The following CAMSAP2 variants were observed in gnomAD, a reference collection of about 807,000 sequenced individuals.
The protein encoded by CAMSAP2 is calmodulin-regulated spectrin-associated protein 2.
In CAMSAP2, 26 loss-of-function variants were observed where a neutral mutation model predicts 146.1. The ratio of observed to expected loss-of-function variants is 0.18; its 90% CI spans 0.13 to 0.25. The LOEUF is 0.25. CAMSAP2 is among the 10% of genes least tolerant of loss of function. The probability of loss-of-function intolerance (pLI) is 1.00; values close to 1 mark genes in which losing one functional copy is unlikely to be tolerated. For synonymous variants in CAMSAP2, 499 were observed against 596.6 expected, an observed-to-expected ratio of 0.84 and a Z score of 2.38; for missense variants, 1,381 against 1,759.3, an observed-to-expected ratio of 0.78 and a Z score of 3.85.
rs1355002174 is a variant in CAMSAP2, at chr1:200,848,325, T to C, written c.1556T>C (p.Leu519Pro). ...TCTAATGAGAATATTCATTACAAGC[T>C]TCCAAATGGAGCTTTACAAAATAGA... ...LNSNENIHYK[L>P]PNGALQNRIL... Residue 519 changes from leucine (L) to proline (P), a missense_variant, in exon 11 of 17, where the codon CTT (leucine) becomes CCT (proline). This residue lies in a region of CAMSAP2 where 447 missense variants were observed against 462.2 expected (regional missense o/e 0.97). Transcript: ENST00000358823. 3.1e-6 allele frequency: 5 copies of C among 1,613,842 alleles called. No homozygotes were observed. Among genetic ancestry groups the C allele is most frequent in the Non-Finnish European group, 4.2e-6 (5 of 1,179,888 alleles).
At position 200,822,270 on chromosome 1, in the gene CAMSAP2, T is replaced by G. The variant is rs138748296; in HGVS notation, c.645+6626T>G. The stretch of plus-strand genomic sequence containing the variant: ...ATATATTTCCTAAGAACAAGGCAAT[T>G]CATTTCCATAACGACAGTACAGGTA... On this transcript the variant is annotated intron_variant, in intron 4 of 16. Transcript: ENST00000358823. Among the ~76,000 whole-genome samples the G allele has an allele frequency of 5.1e-3, 774 of 152,224 alleles. 10 individuals are homozygous for G. The highest frequency in any genetic ancestry group is 0.018 in the African/African-American group (744 of 41,530).
chr1:200,817,099 T>TACACAC (rs1393311758), intron 4 of CAMSAP2, among the ~76,000 whole-genome samples: 21 of 145,352 alleles, frequency 1.4e-4, no homozygotes, highest in African/African-American at 5.0e-4. Context: ...CGTATATATG[T>TACACAC]ATACACACAC....
chr1:200,826,067 A>G (rs976444319), intron 4 of CAMSAP2, among the ~76,000 whole-genome samples: 1 of 152,170 alleles, frequency 6.6e-6, no homozygotes, highest in Non-Finnish European at 1.5e-5. Flanking sequence ...AATCCCCTCC[A>G]AAAGAGCTTG....
chr1:200,832,388 C>G lies in CAMSAP2; in HGVS notation c.787+47C>G. 6.5e-7 allele frequency: 1 copy of G among 1,543,438 alleles called. No homozygotes were observed. Among genetic ancestry groups the G allele is most frequent in the Non-Finnish European group, 8.7e-7 (1 of 1,143,216 alleles). ...TTCTGAACTGTAGACAGATAGTAAC[C>G]AATATTTAAGACAGTATTATTTTGC... On this transcript the variant is annotated intron_variant, in intron 5 of 16. Transcript: ENST00000358823. The surrounding 1 kb of genome is among the most constrained non-coding windows in gnomAD (Gnocchi z 4.2).
At chr1:200,784,106 T>A (rs994161177) in intron 2 of CAMSAP2, among the ~76,000 whole-genome samples, 34 of 152,176 alleles carry the variant, frequency 2.2e-4, no homozygotes, top group Non-Finnish European at 2.1e-4. Flanking sequence ...CCTCATTGAC[T>A]GACGTCGACA....
chr1:200,843,454 A>G (rs1350361704), intron 7 of CAMSAP2, among the ~76,000 whole-genome samples: 1 of 152,256 alleles, frequency 6.6e-6, no homozygotes, highest in African/African-American at 2.4e-5. Context: ...TTACATGCCT[A>G]TAAAAAAATT....
chr1:200,754,574 CTTT>C (rs35219206), intron 1 of CAMSAP2, among the ~76,000 whole-genome samples: 1 of 86,578 alleles, frequency 1.2e-5, no homozygotes. Flanking sequence ...GAAAGAGCTC[CTTT>C]TTTTTTTTTT....
chr1:200,816,364 G>A (rs560214382), intron 4 of CAMSAP2, among the ~76,000 whole-genome samples: 92 of 151,136 alleles, frequency 6.1e-4, no homozygotes, highest in Non-Finnish European at 7.7e-4. Context: ...AGGCTGAGAC[G>A]GGCGGATCAC....
intron 11 of CAMSAP2, 24 bp from the exon 12 acceptor site, chr1:200,852,517 G>A (rs373636742): frequency 2.5e-5 from 40 of 1,597,832 alleles, no homozygotes; most frequent in African/African-American, 2.0e-4. Context: ...ATGTTTGATC[G>A]TTTTCAATGA....
chr1:200,756,379 G>A (rs1299411936), intron 1 of CAMSAP2, among the ~76,000 whole-genome samples: 1 of 152,098 alleles, frequency 6.6e-6, no homozygotes, highest in East Asian at 1.9e-4. Flanking sequence ...CCCGAACCCA[G>A]GAGGTGGAGG....
chr1:200,747,977 A>G (rs1040156302), intron 1 of CAMSAP2, among the ~76,000 whole-genome samples: 1 of 133,130 alleles, frequency 7.5e-6, no homozygotes, highest in African/African-American at 3.0e-5. Flanking sequence ...ACAGAGCGAG[A>G]CTCCGTCTCA....
chr1:200,788,251 T>C (rs1418306960), intron 2 of CAMSAP2, among the ~76,000 whole-genome samples: 2 of 152,246 alleles, frequency 1.3e-5, no homozygotes, highest in South Asian at 2.1e-4. Context: ...GTTGTCTGAA[T>C]GTGCTACAGT....
chr1:200,852,728 G>A, intron 12 of CAMSAP2, 51 bp downstream of exon 12: 7 of 1,548,218 alleles, frequency 4.5e-6, no homozygotes, highest in Non-Finnish European at 6.1e-6. Context: ...ATGATGCATG[G>A]GCATATTTAG....
intron 2 of CAMSAP2, among the ~76,000 whole-genome samples, chr1:200,798,969 T>C (rs1159988771): frequency 7.2e-5 from 11 of 152,134 alleles, no homozygotes; most frequent in African/African-American, 2.7e-4. Context: ...CTGGATTACA[T>C]TTATTGATTT....
At chr1:200,810,596 A>G (rs939799398) in intron 3 of CAMSAP2, among the ~76,000 whole-genome samples, 4 of 151,414 alleles carry the variant, frequency 2.6e-5, no homozygotes, top group Admixed American at 1.3e-4. Flanking sequence ...AAAAAAGAAT[A>G]CAGACTTGGA....
intron 2 of CAMSAP2, among the ~76,000 whole-genome samples, chr1:200,793,468 A>G (rs1665808000): frequency 6.6e-6 from 1 of 152,182 alleles, no homozygotes; most frequent in African/African-American, 2.4e-5. Context: ...ACAAAATAGT[A>G]ACAACTAAAA....
chr1:200,823,025 T>C (rs192966811), intron 4 of CAMSAP2, among the ~76,000 whole-genome samples: 1 of 152,338 alleles, frequency 6.6e-6, no homozygotes, highest in Admixed American at 6.5e-5. Flanking sequence ...ACTCTACCAC[T>C]GTAAATAGCC....
intron 1 of CAMSAP2, among the ~76,000 whole-genome samples, chr1:200,741,983 C>A (rs1275355324): frequency 6.6e-6 from 1 of 152,154 alleles, no homozygotes. Context: ...AGGTCTGACT[C>A]AAAAGGGTAA....
intron 1 of CAMSAP2, among the ~76,000 whole-genome samples, chr1:200,759,403 C>T (rs1664739085): frequency 6.6e-6 from 1 of 151,896 alleles, no homozygotes; most frequent in African/African-American, 2.4e-5. Flanking sequence ...CTCAACCTCC[C>T]AAGTAGCTGG....
Sources: allele counts gnomAD v4.1 joint callset (sites outside exome capture counted in the v4.1 genomes callset), GRCh38; gene constraint gnomAD v4.1.1; regional missense constraint gnomAD v4.1.1; non-coding constraint Gnocchi (gnomAD v3.1); transcripts MANE v1.5; gene names NCBI Gene and HGNC (gene_info 2026-07-23, HGNC 2026-07-21).